Variants in NAALADL2 observed in about 807,000 individuals in gnomAD.
The protein encoded by NAALADL2 is inactive N-acetylated-alpha-linked acidic dipeptidase-like protein 2.
In NAALADL2, 76 loss-of-function variants were observed where a neutral mutation model predicts 87.2. The ratio of observed to expected loss-of-function variants is 0.87; its 90% CI spans 0.72 to 1.05. The LOEUF is 1.05. NAALADL2 is among the 50% of genes least tolerant of loss of function. The pLI, the probability that NAALADL2 is intolerant of heterozygous loss-of-function variation, is 0.00. For synonymous variants in NAALADL2, 354 were observed against 331.0 expected (o/e 1.07, Z -0.75); for missense variants, 1,089 against 945.8 (o/e 1.15, Z -1.99).
intron 13 of NAALADL2, among the ~76,000 whole-genome samples, chr3:175,762,578 C>T (rs1313340235): frequency 1.3e-5 from 2 of 152,122 alleles, no homozygotes; most frequent in Non-Finnish European, 1.5e-5. Context: ...TCCCCCATAT[C>T]GCTATTAACC....
At position 175,234,187 on chromosome 3, in the gene NAALADL2, G is replaced by A; in HGVS notation, c.802G>A (p.Ala268Thr). 1 of 1,613,484 alleles carries A rather than the reference G, an allele frequency of 6.2e-7. No individual in the cohort carries two copies. Among genetic ancestry groups the A allele is most frequent in the Non-Finnish European group, 8.5e-7 (1 of 1,179,652 alleles). ...DLLYSYAAYS[A>T]KGTLKAEVID... is the part of the protein sequence containing the mutation. ...GCTCTATTCATATGCAGCCTATTCTGCCAAAGGAACTCTCAAGGTAATATG... is the reference window on the plus strand; with the variant it reads ...GCTCTATTCATATGCAGCCTATTCTACCAAAGGAACTCTCAAGGTAATATG... Residue 268 changes from alanine to threonine, a missense_variant, in exon 3 of 14, where the codon GCC becomes ACC. By Grantham distance (58) the Ala-to-Thr change is moderately conservative. Transcript: ENST00000454872.
chr3:174,464,887 A>C (rs1489743416), intron 1 of NAALADL2, among the ~76,000 whole-genome samples: 2 of 152,016 alleles, frequency 1.3e-5, no homozygotes, highest in Non-Finnish European at 2.9e-5. Flanking sequence ...CCTTCCTCTA[A>C]TAATTAGAAT....
At chr3:175,084,647 G>T (rs545265282) in intron 1 of NAALADL2, among the ~76,000 whole-genome samples, 94 of 152,232 alleles carry the variant, frequency 6.2e-4, no homozygotes, top group Non-Finnish European at 9.7e-4. Flanking sequence ...AAAGAGCATA[G>T]ATATAAATGT....
At chr3:175,661,116 T>A (rs185759261) in intron 11 of NAALADL2, among the ~76,000 whole-genome samples, 1 of 152,232 alleles carries the variant, frequency 6.6e-6, no homozygotes, top group East Asian at 1.9e-4. Context: ...CTATCAATGG[T>A]GTAAAGATGT....
At chr3:175,466,341 A>G (rs1483972425) in intron 7 of NAALADL2, among the ~76,000 whole-genome samples, 3 of 152,228 alleles carry the variant, frequency 2.0e-5, no homozygotes, top group Non-Finnish European at 4.4e-5. Context: ...TTGAACAGCT[A>G]CTTCCATGTG....
intron 3 of NAALADL2, among the ~76,000 whole-genome samples, chr3:175,241,222 A>G (rs996452843): frequency 1.3e-5 from 2 of 151,814 alleles, no homozygotes; most frequent in African/African-American, 2.4e-5. Flanking sequence ...TTTAAAAAAA[A>G]TTCATTTTAT....
chr3:174,538,201 A>G (rs1485184885), intron 1 of NAALADL2, among the ~76,000 whole-genome samples: 1 of 152,118 alleles, frequency 6.6e-6, no homozygotes, highest in African/African-American at 2.4e-5. Flanking sequence ...TAGATTCACA[A>G]TGAGAGTCTT....
intron 5 of NAALADL2, among the ~76,000 whole-genome samples, chr3:175,326,958 T>C (rs1760787105): frequency 6.6e-6 from 1 of 152,106 alleles, no homozygotes; most frequent in Admixed American, 6.6e-5. Flanking sequence ...AATCTAAAAC[T>C]ACCTTTTTTC....
chr3:174,904,695 A>G (rs1732764304), intron 1 of NAALADL2, among the ~76,000 whole-genome samples: 2 of 151,970 alleles, frequency 1.3e-5, no homozygotes, highest in African/African-American at 2.4e-5. Flanking sequence ...ATGAAAGAGC[A>G]TCCTACTTCT....
In NAALADL2 at chr3:175,133,141, G is replaced by C. The variant is rs954398648; in HGVS notation, c.545+35850G>C. Among the ~76,000 whole-genome samples, 4 of 149,266 alleles carry C rather than the reference G, an allele frequency of 2.7e-5. No homozygotes were observed. In the East Asian group the frequency reaches 7.9e-4, roughly 29 times the overall value. On this transcript the variant is annotated intron_variant, in intron 2 of 13. Coordinates refer to ENST00000454872, the MANE Select transcript of NAALADL2 (RefSeq NM_207015.3). ...AGACGATGGGCGGCCGGGCAGAGAC[G>C]CTCCTCACTTCCTAGATGGGATGGC...
At chr3:174,694,553 C>G (rs1342663650) in intron 2 of NAALADL2, among the ~76,000 whole-genome samples, 1 of 151,916 alleles carries the variant, frequency 6.6e-6, no homozygotes, top group Admixed American at 6.6e-5. Flanking sequence ...ATTTGTACCT[C>G]AGGGGGCATT....
At chr3:174,593,471 C>T (rs1354605051) in intron 2 of NAALADL2, among the ~76,000 whole-genome samples, 1 of 152,098 alleles carries the variant, frequency 6.6e-6, no homozygotes, top group Non-Finnish European at 1.5e-5. Flanking sequence ...TAAGATCTCA[C>T]AGCTGTTAAA....
chr3:175,009,013 A>G (rs1319200274), intron 1 of NAALADL2, among the ~76,000 whole-genome samples: 1 of 152,180 alleles, frequency 6.6e-6, no homozygotes, highest in East Asian at 1.9e-4. Flanking sequence ...CTAATATGTA[A>G]AATCAATCTG....
At chr3:174,645,170 G>A (rs940265328) in intron 2 of NAALADL2, among the ~76,000 whole-genome samples, 1 of 152,176 alleles carries the variant, frequency 6.6e-6, no homozygotes, top group Non-Finnish European at 1.5e-5. Flanking sequence ...GGCAGGAAAG[G>A]TACCAGGGAA....
At chr3:174,563,312 T>A (rs983975744) in intron 2 of NAALADL2, among the ~76,000 whole-genome samples, 23 of 151,510 alleles carry the variant, frequency 1.5e-4, no homozygotes, top group Non-Finnish European at 1.3e-4. Flanking sequence ...CAAAAATATT[T>A]TAAAAGAAAA....
intron 1 of NAALADL2, among the ~76,000 whole-genome samples, chr3:174,926,863 C>T (rs1196349895): frequency 5.9e-5 from 9 of 151,920 alleles, no homozygotes; most frequent in African/African-American, 2.2e-4. Context: ...CAATATGAAC[C>T]TTAAATGTAA....
At chr3:175,649,457 G>A (rs999584234) in intron 11 of NAALADL2, among the ~76,000 whole-genome samples, 1 of 151,590 alleles carries the variant, frequency 6.6e-6, no homozygotes, top group Admixed American at 6.6e-5. Flanking sequence ...TGCTTGGGCT[G>A]CCATAACAAA....
rs772518118 is a variant in NAALADL2 at position 175,097,164 on chromosome 3, A to C, written c.418A>C (p.Ile140Leu). The part of the protein sequence containing the change: ...CTATILFIFG[I>L]LIGYYVHTNC... The stretch of plus-strand genomic sequence containing the variant: ...AGCCACCATTTTATTTATTTTTGGG[A>C]TTTTGATAGGTTATTATGTACATAC... Residue 140 changes from isoleucine to leucine, a missense_variant, in exon 2 of 14, where the codon ATT (isoleucine) becomes CTT (leucine). By Grantham distance (5) the Ile-to-Leu change is conservative. Transcript: ENST00000454872. 6.2e-7 allele frequency: 1 copy of C among 1,613,746 alleles called. No individual in the cohort carries two copies. The highest frequency in any genetic ancestry group is 1.1e-5 in the South Asian group (1 of 91,078).
At chr3:175,247,506 A>G (rs924970364) in intron 3 of NAALADL2, among the ~76,000 whole-genome samples, 8 of 152,184 alleles carry the variant, frequency 5.3e-5, no homozygotes, top group African/African-American at 1.9e-4. Flanking sequence ...AATCCGGGAA[A>G]GAGGGTGTAT....
Sources: gnomAD v4.1 joint callset for allele counts (sites outside exome capture counted in the v4.1 genomes callset) on GRCh38, gnomAD v4.1.1 for gene constraint, MANE v1.5 for transcripts, NCBI Gene and HGNC (gene_info 2026-07-23, HGNC 2026-07-21) for gene names.